TNS1: variants seen among roughly 807,000 people sequenced by gnomAD.
The protein encoded by TNS1 is tensin-1.
In TNS1, 62 loss-of-function variants were observed where a neutral mutation model predicts 168.6. That is an observed-to-expected ratio of 0.37 (90% CI 0.30 to 0.45). The LOEUF (loss-of-function observed/expected upper bound fraction) is 0.45, where lower values mean the gene tolerates loss of function less well. Ranked by LOEUF, TNS1 falls within the 20% of genes least tolerant of loss-of-function variation. TNS1 has a pLI of 1.00. For synonymous variants in TNS1, 934 were observed against 933.2 expected, an observed-to-expected ratio of 1.00 and a Z score of -0.02; for missense variants, 2,240 against 2,339.4, an observed-to-expected ratio of 0.96 and a Z score of 0.88.
intron 19 of TNS1, among the ~76,000 whole-genome samples, chr2:217,839,168 C>T (rs1378189526): frequency 6.6e-6 from 1 of 152,110 alleles, no homozygotes; most frequent in Non-Finnish European, 1.5e-5. Context: ...ACCTCTAGGG[C>T]CAGCCCCTAC....
At chr2:217,994,743 TC>T (rs1232403178) in intron 1 of TNS1, among the ~76,000 whole-genome samples, 2 of 152,004 alleles carry the variant, frequency 1.3e-5, no homozygotes, top group South Asian at 4.1e-4. Flanking sequence ...ACAAAATATT[TC>T]CCCCCTGGGG....
chr2:217,890,913 G>C (rs62182176), intron 12 of TNS1, 49 bp downstream of exon 12: 10 of 1,583,380 alleles, frequency 6.3e-6, no homozygotes, highest in South Asian at 3.3e-5. Flanking sequence ...TCCCCACATA[G>C]AGTGAGTGCA....
At chr2:217,809,516 G>C (rs777643091) in intron 30 of TNS1, among the ~76,000 whole-genome samples, 1 of 87,412 alleles carries the variant, frequency 1.1e-5, no homozygotes, top group African/African-American at 5.6e-5. Flanking sequence ...TGGATGGATG[G>C]ATGGATAGGT....
chr2:217,997,000 C>A (rs955301720), intron 1 of TNS1, among the ~76,000 whole-genome samples: 28 of 151,854 alleles, frequency 1.8e-4, no homozygotes, highest in Non-Finnish European at 7.4e-5. Context: ...TCCACGCTCT[C>A]CAGCCACCCG....
chr2:217,821,409 C>T (rs1016238395), intron 23 of TNS1, among the ~76,000 whole-genome samples: 19 of 152,216 alleles, frequency 1.2e-4, no homozygotes, highest in Non-Finnish European at 2.5e-4. Flanking sequence ...GATGAGCCCA[C>T]TACATAAGTC....
chr2:217,821,825 T>A lies in TNS1; in HGVS notation c.3487A>T (p.Ile1163Leu). The A allele has an allele frequency of 6.4e-7, 1 of 1,570,510 alleles. No individual in the cohort carries two copies. The highest frequency in any genetic ancestry group is 8.6e-7 in the Non-Finnish European group (1 of 1,161,118). The change falls in exon 23 of 33, where the codon ATA (isoleucine) becomes TTA (leucine). Residue 1163 changes from isoleucine (I) to leucine (L), a missense_variant. This residue lies in a region of TNS1 where 2,131 missense variants were observed against 2,171.2 expected (regional missense o/e 0.98). Coordinates refer to ENST00000682258, the MANE Select transcript of TNS1 (RefSeq NM_001387777.1). The stretch of plus-strand genomic sequence containing the variant: ...CCCAGGGTCCCGTTCCTCAGGGGTA[T>A]CTCATGGCCATAGGCCTGGGTGGCT... ...APATQAYGHE[I>L]PLRNGTLGGS...
At chr2:217,876,243 G>T (rs547204079) in intron 18 of TNS1, among the ~76,000 whole-genome samples, 1 of 152,176 alleles carries the variant, frequency 6.6e-6, no homozygotes, top group Non-Finnish European at 1.5e-5. Context: ...TTCCGAGAAG[G>T]CTTGCCCCGG....
intron 23 of TNS1, among the ~76,000 whole-genome samples, chr2:217,821,194 C>T (rs1942794096): frequency 6.6e-6 from 1 of 152,180 alleles, no homozygotes; most frequent in Non-Finnish European, 1.5e-5. Flanking sequence ...CGCCATGATG[C>T]AGGTCTGGGG....
chr2:217,886,690 T>C, intron 12 of TNS1, 44 bp from the exon 13 acceptor site: 2 of 1,392,930 alleles, frequency 1.4e-6, no homozygotes, highest in Non-Finnish European at 2.0e-6. Flanking sequence ...AGGTGGGTAC[T>C]GGTGCAGTAA....
chr2:218,010,214 C>T (rs977005871), exon 1 of TNS1: 18 of 398,816 alleles, frequency 4.5e-5, no homozygotes, highest in Non-Finnish European at 7.1e-5. Flanking sequence ...CGAGAGTGGG[C>T]GCCTGGGGCG....
At chr2:217,879,473 C>A (rs1284384640) in intron 18 of TNS1, 2 of 452,618 alleles carry the variant, frequency 4.4e-6, no homozygotes, top group South Asian at 3.1e-5. Context: ...GTCGGAGGGG[C>A]CTGGTGGGGT....
intron 2 of TNS1, among the ~76,000 whole-genome samples, chr2:217,982,378 A>AT (rs1238989365): frequency 7.0e-6 from 1 of 142,950 alleles, no homozygotes; most frequent in Non-Finnish European, 1.6e-5. Flanking sequence ...ACTAATTTTG[A>AT]TTTTTTTTCT....
At chr2:218,001,400 C>G (rs1222390903) in intron 1 of TNS1, among the ~76,000 whole-genome samples, 1 of 152,160 alleles carries the variant, frequency 6.6e-6, no homozygotes, top group East Asian at 1.9e-4. Flanking sequence ...AGGCACTTTT[C>G]CCAGTATCAG....
At chr2:217,961,045 T>G (rs1032370379) in intron 3 of TNS1, among the ~76,000 whole-genome samples, 2 of 152,002 alleles carry the variant, frequency 1.3e-5, no homozygotes, top group Non-Finnish European at 1.5e-5. Context: ...GGAAGGCTCC[T>G]CTCTCCCTAG....
At position 217,804,617 on chromosome 2, in the gene TNS1, A is replaced by AG. The variant is rs772343862; in HGVS notation, c.5376-15dup. The AG allele has an allele frequency of 2.3e-5, 37 of 1,613,784 alleles. No individual in the cohort carries two copies. In the East Asian group the frequency reaches 7.4e-4, roughly 32 times the overall value. On this transcript the variant is annotated splice_polypyrimidine_tract_variant and intron_variant, in intron 32 of 32. Transcript: ENST00000682258. ...AAGCCGAAGAGCCTGCAGGCGGGAG[A>AG]GGGCAACGGGCATGAGGGAAGGGCA... is the stretch of plus-strand genomic sequence containing the variant.
In TNS1 at chr2:217,808,668, G is replaced by C; in HGVS notation, c.5277C>G (p.Leu1759=). Residue 1759 remains leucine, a synonymous_variant, in exon 31 of 33, where the codon CTC becomes CTG. Coordinates refer to ENST00000682258, the MANE Select transcript of TNS1 (RefSeq NM_001387777.1). ...GITLTDNQRK[L]FFRRHYPLNT... is the part of the protein sequence containing the mutation. Reference sequence around the variant, plus strand: ...TGAGAGGGTAGTGGCGTCTGAAAAAGAGCCTGCAGCACAGACATCAGATAA... The same window carrying C: ...TGAGAGGGTAGTGGCGTCTGAAAAACAGCCTGCAGCACAGACATCAGATAA... 6.2e-7 allele frequency: 1 copy of C among 1,614,048 alleles called. No homozygotes were observed. Among genetic ancestry groups the C allele is most frequent in the Non-Finnish European group, 8.5e-7 (1 of 1,179,950 alleles).
rs1952478360 is a variant in TNS1, at chr2:217,897,787, T to C, written c.543+11A>G. On this transcript the variant is annotated intron_variant, in intron 8 of 32. Coordinates refer to ENST00000682258, the MANE Select transcript of TNS1 (RefSeq NM_001387777.1). ...GGGCACAGGACAGTGGGCACGAGGA[T>C]CCATCCTCACCAGGTAGTTGCCTCC... is the stretch of plus-strand genomic sequence containing the variant. 3 of 1,585,666 alleles carry C rather than the reference T, an allele frequency of 1.9e-6. No individual in the cohort carries two copies. The African/African-American group carries it at 4.0e-5, about 21-fold the overall frequency.
chr2:217,983,833 T>C (rs933361310), intron 2 of TNS1, among the ~76,000 whole-genome samples: 6 of 152,202 alleles, frequency 3.9e-5, no homozygotes, highest in African/African-American at 1.4e-4. Context: ...GCTGGAGGTA[T>C]GCAGTGGTTA....
At chr2:217,838,018 C>T (rs1945400698) in intron 19 of TNS1, among the ~76,000 whole-genome samples, 1 of 152,240 alleles carries the variant, frequency 6.6e-6, no homozygotes, top group Non-Finnish European at 1.5e-5. Context: ...GAGAAACAGA[C>T]ATAGCCATTG....
Sources: gnomAD v4.1 joint callset for allele counts (sites outside exome capture counted in the v4.1 genomes callset) on GRCh38, gnomAD v4.1.1 for gene constraint, gnomAD v4.1.1 regional missense constraint, MANE v1.5 for transcripts, NCBI Gene and HGNC (gene_info 2026-07-23, HGNC 2026-07-21) for gene names.